GPC6: variants seen among roughly 807,000 people sequenced by gnomAD.
GPC6 encodes the protein glypican 6.
In GPC6, 14 loss-of-function variants were observed where a neutral mutation model predicts 55.2. That is an observed-to-expected ratio of 0.25 (90% CI 0.17 to 0.40). GPC6 has a LOEUF of 0.40. GPC6 is among the 10% of genes least tolerant of loss of function. The pLI is 1.00. For synonymous variants in GPC6, 278 were observed against 259.6 expected, an observed-to-expected ratio of 1.07 and a Z score of -0.68; for missense variants, 641 against 708.5, an observed-to-expected ratio of 0.90 and a Z score of 1.08.
chr13:93,354,162 G>T (rs1298059232), intron 1 of GPC6, among the ~76,000 whole-genome samples: 28 of 152,126 alleles, frequency 1.8e-4, no homozygotes, highest in Non-Finnish European at 5.9e-5. Context: ...ATTTAGGGTA[G>T]AGGTCCCAGG....
At chr13:93,251,586 G>T (rs1876788698) in intron 1 of GPC6, among the ~76,000 whole-genome samples, 1 of 152,158 alleles carries the variant, frequency 6.6e-6, no homozygotes, top group African/African-American at 2.4e-5. Flanking sequence ...TTAATTCCTT[G>T]TCTCATGCTT....
chr13:94,259,142 C>A (rs983381695), intron 4 of GPC6, among the ~76,000 whole-genome samples: 2 of 151,956 alleles, frequency 1.3e-5, no homozygotes, highest in African/African-American at 4.8e-5. Context: ...TCCCAGAAGC[C>A]CCCTTCTCAT....
chr13:93,628,189 A>G (rs1434214890), intron 2 of GPC6, among the ~76,000 whole-genome samples: 2 of 152,194 alleles, frequency 1.3e-5, no homozygotes, highest in African/African-American at 2.4e-5. Flanking sequence ...CCTTTGATCA[A>G]TTTATTAGTT....
intron 3 of GPC6, among the ~76,000 whole-genome samples, chr13:93,898,395 C>A: frequency 6.6e-6 from 1 of 152,148 alleles, no homozygotes; most frequent in East Asian, 1.9e-4. Flanking sequence ...AATGCCATGC[C>A]ATAGGGAAGT....
intron 3 of GPC6, among the ~76,000 whole-genome samples, chr13:93,923,921 T>G (rs1877711640): frequency 6.6e-6 from 1 of 152,154 alleles, no homozygotes. Context: ...TTCTTATTTG[T>G]GTATAAAGTG....
chr13:93,852,574 T>G (rs2139014355), intron 3 of GPC6, among the ~76,000 whole-genome samples: 1 of 151,802 alleles, frequency 6.6e-6, no homozygotes, highest in South Asian at 2.1e-4. Context: ...CAGTATAAAG[T>G]TAAAAGTAAA....
chr13:93,691,526 A>C (rs1195995809), intron 2 of GPC6, among the ~76,000 whole-genome samples: 2 of 151,042 alleles, frequency 1.3e-5, no homozygotes, highest in Non-Finnish European at 2.9e-5. Flanking sequence ...GTTTGACGCT[A>C]ATCTGATAAA....
At chr13:93,539,034 G>A (rs1297447258) in intron 1 of GPC6, among the ~76,000 whole-genome samples, 3 of 151,728 alleles carry the variant, frequency 2.0e-5, no homozygotes, top group Admixed American at 6.6e-5. Context: ...ACCCACCAAC[G>A]TGTCATCCAG....
rs1188046267 is a variant in GPC6 at position 94,251,864 on chromosome 13, T to G, written c.878-34485T>G. Among the ~76,000 whole-genome samples, 2 of 151,936 alleles carry G rather than the reference T, an allele frequency of 1.3e-5. 1 individual carries two copies. The highest frequency in any genetic ancestry group is 1.3e-4 in the Admixed American group (2 of 15,264). ...TGGTGTAACAGGCTCTTTTGGATGC[T>G]ATAATTTCTCATCTGTCTCCTGCTG... On this transcript the variant is annotated intron_variant, in intron 4 of 8. Transcript: ENST00000377047.
intron 4 of GPC6, among the ~76,000 whole-genome samples, chr13:94,205,543 T>G (rs1298241270): frequency 1.3e-5 from 2 of 152,168 alleles, no homozygotes; most frequent in African/African-American, 4.8e-5. Context: ...CCTCTTTTAT[T>G]TCTCTCCTCA....
At chr13:93,570,615 G>T (rs1876356816) in intron 2 of GPC6, among the ~76,000 whole-genome samples, 1 of 152,122 alleles carries the variant, frequency 6.6e-6, no homozygotes. Context: ...CTGCTCTGTG[G>T]AGTAGGTAAA....
chr13:93,316,537 GA>G (rs1402386801), intron 1 of GPC6, among the ~76,000 whole-genome samples: 1 of 151,916 alleles, frequency 6.6e-6, no homozygotes, highest in African/African-American at 2.4e-5. Context: ...GGCATAAAGG[GA>G]AAAAATGATG....
chr13:93,833,562 T>C (rs888427691), intron 3 of GPC6, among the ~76,000 whole-genome samples: 13 of 104,136 alleles, frequency 1.2e-4, no homozygotes, highest in Admixed American at 1.2e-3. Flanking sequence ...TGCATCCTGA[T>C]TTGAGTGATT....
At chr13:94,073,733 C>T (rs1475779237) in intron 4 of GPC6, among the ~76,000 whole-genome samples, 1 of 152,068 alleles carries the variant, frequency 6.6e-6, no homozygotes, top group Admixed American at 6.6e-5. Flanking sequence ...ACCAAAGGAC[C>T]CTCTAGGATA....
intron 2 of GPC6, among the ~76,000 whole-genome samples, chr13:93,807,062 A>T (rs1395542083): frequency 6.6e-6 from 1 of 152,160 alleles, no homozygotes; most frequent in East Asian, 1.9e-4. Flanking sequence ...CATAAAACTG[A>T]CTGGGGGCCT....
chr13:93,437,397 A>G (rs896990502), intron 1 of GPC6, among the ~76,000 whole-genome samples: 1 of 152,208 alleles, frequency 6.6e-6, no homozygotes, highest in African/African-American at 2.4e-5. Flanking sequence ...TGCGCCAAAC[A>G]GTTAGCTAAG....
At chr13:93,441,097 A>G (rs530860784) in intron 1 of GPC6, among the ~76,000 whole-genome samples, 150 of 152,224 alleles carry the variant, frequency 9.9e-4, no homozygotes, top group African/African-American at 3.4e-3. Context: ...TCTATCATTG[A>G]TGGACATTTG....
intron 3 of GPC6, among the ~76,000 whole-genome samples, chr13:94,006,022 C>T (rs2140428995): frequency 6.6e-6 from 1 of 152,076 alleles, no homozygotes; most frequent in Non-Finnish European, 1.5e-5. Flanking sequence ...TATTAACCAC[C>T]CACTTGTTTA....
chr13:93,782,814 T>C lies in GPC6; in HGVS notation c.320-47340T>C, dbSNP rs570307168. Among the ~76,000 whole-genome samples the C allele has an allele frequency of 8.0e-4, 122 of 152,286 alleles. 1 individual carries two copies. In the Middle Eastern group the frequency reaches 0.01, roughly 13 times the overall value. The stretch of plus-strand genomic sequence containing the variant: ...ATATATATTTGCAGTTGAATTATTA[T>C]GGCACTAGGATTCTGGGTAATATTT... On this transcript the variant is annotated intron_variant, in intron 2 of 8. Transcript: ENST00000377047.
Sources: allele counts gnomAD v4.1 joint callset (sites outside exome capture counted in the v4.1 genomes callset), GRCh38; gene constraint gnomAD v4.1.1; transcripts MANE v1.5; gene names NCBI Gene and HGNC (gene_info 2026-07-23, HGNC 2026-07-21).